Variants in SMYD2 observed in about 807,000 individuals in gnomAD.
SMYD2 encodes SET and MYND domain containing 2.
A neutral mutation model predicts 59.1 loss-of-function variants in SMYD2; 53 were observed. The observed-to-expected ratio is 0.90, with a 90% CI of 0.72 to 1.13. The LOEUF is 1.13. SMYD2 is among the 50% of genes most tolerant of loss of function. The probability of loss-of-function intolerance (pLI) is 0.00; values close to 1 mark genes in which losing one functional copy is unlikely to be tolerated. For synonymous variants in SMYD2, 208 were observed against 198.8 expected, an observed-to-expected ratio of 1.05 and a Z score of -0.39; for missense variants, 494 against 544.7, an observed-to-expected ratio of 0.91 and a Z score of 0.93.
intron 2 of SMYD2, among the ~76,000 whole-genome samples, chr1:214,313,185 C>A (rs892268053): frequency 3.3e-5 from 5 of 152,102 alleles, no homozygotes; most frequent in African/African-American, 1.2e-4. Context: ...GGTGCACTCT[C>A]GGCTCACTGC....
At chr1:214,308,465 G>T (rs1656948353) in intron 2 of SMYD2, among the ~76,000 whole-genome samples, 1 of 152,156 alleles carries the variant, frequency 6.6e-6, no homozygotes. Flanking sequence ...TGGGGCATTT[G>T]CTCCAGATAT....
chr1:214,284,721 G>A (rs938971708), intron 1 of SMYD2, among the ~76,000 whole-genome samples: 2 of 151,954 alleles, frequency 1.3e-5, no homozygotes, highest in Non-Finnish European at 2.9e-5. Context: ...TCATCATGTT[G>A]GCCAGGCTGG....
In SMYD2 at chr1:214,337,079, TTGTAA is replaced by T. The variant is rs1191124091; in HGVS notation, c.*299_*303del. On this transcript the variant is annotated 3_prime_UTR_variant, in exon 12 of 12. Coordinates refer to ENST00000366957, the MANE Select transcript of SMYD2 (RefSeq NM_020197.3). The stretch of plus-strand genomic sequence containing the variant: ...GGAATTATTTTTTCTTTCATGCCTC[TTGTAA>T]TGTTCTGAACAAACTTGAATGATGA... 7.5e-6 allele frequency: 2 copies of T among 267,786 alleles called. No individual in the cohort carries two copies. The highest frequency in any genetic ancestry group is 4.5e-5 in the African/African-American group (2 of 43,960). The allele number at this position is 267,786 out of a possible 1,614,324, so 16.6% of individuals were successfully genotyped here.
chr1:214,330,119 T>G, intron 7 of SMYD2, 49 bp from the exon 8 acceptor site: 1 of 1,290,394 alleles, frequency 7.7e-7, no homozygotes, highest in Non-Finnish European at 1.1e-6. Flanking sequence ...ATGACAAGGA[T>G]TGAGTTTACC....
chr1:214,284,254 G>GTTTTTTTT (rs34049644), intron 1 of SMYD2, among the ~76,000 whole-genome samples: 47 of 90,356 alleles, frequency 5.2e-4, no homozygotes, highest in African/African-American at 7.1e-4. Flanking sequence ...TTTTGGTGTG[G>GTTTTTTTT]TTTTTTTTTT....
intron 11 of SMYD2, 91 bp downstream of exon 11, chr1:214,334,399 G>A: frequency 8.3e-7 from 1 of 1,207,156 alleles, no homozygotes; most frequent in Non-Finnish European, 1.2e-6. Context: ...AATGGCTGAA[G>A]CAGTGGAGGG....
rs117388297 is a variant in SMYD2, at chr1:214,315,508, G to A, written c.348+636G>A. ...ATCAATGGCTTTCTCCAGAAGTGAT[G>A]CCAACTCTGACTATTCTGTGGTGGG... On this transcript the variant is annotated intron_variant, in intron 3 of 11. Transcript: ENST00000366957. Among the ~76,000 whole-genome samples the A allele has an allele frequency of 2.7e-3, 405 of 152,328 alleles. 17 individuals are homozygous for A. In the East Asian group the frequency reaches 0.069, roughly 26 times the overall value.
At chr1:214,292,089 T>TGAGAGAGAGAGAGAGAGAGAGA (rs56410935) in intron 1 of SMYD2, among the ~76,000 whole-genome samples, 5 of 145,880 alleles carry the variant, frequency 3.4e-5, no homozygotes, top group African/African-American at 1.3e-4. Flanking sequence ...TTTTCTAGGG[T>TGAGAGAGAGAGAGAGAGAGAGA]GAGAGAGAGA....
At chr1:214,333,861 G>C (rs1657395467) in intron 10 of SMYD2, 1 of 201,666 alleles carries the variant, frequency 5.0e-6, no homozygotes. Flanking sequence ...TACTTCACAA[G>C]CTGTTTTCCC....
intron 2 of SMYD2, among the ~76,000 whole-genome samples, chr1:214,314,182 A>T (rs1253163684): frequency 6.6e-6 from 1 of 152,156 alleles, no homozygotes; most frequent in Admixed American, 6.5e-5. Context: ...TCTCAAAAAA[A>T]AAAAAGGAAA....
chr1:214,293,864 C>T (rs756224242), intron 1 of SMYD2, among the ~76,000 whole-genome samples: 3 of 151,982 alleles, frequency 2.0e-5, no homozygotes, highest in East Asian at 1.9e-4. Context: ...TTACTAGTGA[C>T]GGGGTTTCTC....
intron 3 of SMYD2, among the ~76,000 whole-genome samples, chr1:214,315,320 G>A (rs1000345689): frequency 6.6e-6 from 1 of 152,076 alleles, no homozygotes; most frequent in Non-Finnish European, 1.5e-5. Flanking sequence ...CTGTGCATAG[G>A]CAGGCAAAGA....
chr1:214,314,682 G>C, intron 2 of SMYD2, 80 bp from the exon 3 acceptor site: 1 of 983,092 alleles, frequency 1.0e-6, no homozygotes, highest in Non-Finnish European at 1.6e-6. Flanking sequence ...TAACTAGGGG[G>C]ACTCACTGCA....
At chr1:214,286,835 A>C (rs1656555528) in intron 1 of SMYD2, among the ~76,000 whole-genome samples, 1 of 138,628 alleles carries the variant, frequency 7.2e-6, no homozygotes, top group Admixed American at 7.8e-5. Context: ...GTGAGCCATC[A>C]AAATCACTCT....
intron 1 of SMYD2, among the ~76,000 whole-genome samples, chr1:214,302,310 G>C (rs1490355360): frequency 6.7e-6 from 1 of 148,712 alleles, no homozygotes; most frequent in Non-Finnish European, 1.5e-5. Flanking sequence ...TTGCACTCAA[G>C]CCTGGGCAAC....
chr1:214,303,295 C>T (rs573614881), intron 1 of SMYD2, among the ~76,000 whole-genome samples: 1 of 152,264 alleles, frequency 6.6e-6, no homozygotes, highest in Non-Finnish European at 1.5e-5. Flanking sequence ...GCTTTTCCTC[C>T]CCTGGGCATT....
At chr1:214,334,452 G>A (rs1657405290) in intron 11 of SMYD2, 144 bp downstream of exon 11, 6 of 734,486 alleles carry the variant, frequency 8.2e-6, no homozygotes, top group East Asian at 2.6e-5. Flanking sequence ...AGCAGCGGGG[G>A]TGGGTCCTGC....
At chr1:214,304,262 A>G (rs186504470) in intron 1 of SMYD2, among the ~76,000 whole-genome samples, 33 of 152,352 alleles carry the variant, frequency 2.2e-4, no homozygotes, top group African/African-American at 5.3e-4. Flanking sequence ...ACAGTATTCA[A>G]GAATCTATTT....
chr1:214,328,809 C>T (rs1160758170), intron 7 of SMYD2, among the ~76,000 whole-genome samples: 1 of 152,206 alleles, frequency 6.6e-6, no homozygotes, highest in Non-Finnish European at 1.5e-5. Context: ...GGTGTGTCCC[C>T]TTTCGGCTGG....
Sources: gnomAD v4.1 joint callset for allele counts (sites outside exome capture counted in the v4.1 genomes callset) on GRCh38, gnomAD v4.1.1 for gene constraint, MANE v1.5 for transcripts, NCBI Gene and HGNC (gene_info 2026-07-23, HGNC 2026-07-21) for gene names.